FBLN2: variants seen among roughly 807,000 people sequenced by gnomAD.
FBLN2 encodes fibulin 2, also known as fibulin-2.
A neutral mutation model predicts 123.7 loss-of-function variants in FBLN2; 81 were observed. That is an observed-to-expected ratio of 0.65 (90% confidence interval 0.55 to 0.79). The LOEUF (loss-of-function observed/expected upper bound fraction) is 0.79, where lower values mean the gene tolerates loss of function less well. FBLN2 is among the 30% of genes least tolerant of loss of function. The pLI is 0.00. For synonymous variants in FBLN2, 699 were observed against 701.4 expected (o/e 1.00, Z 0.05); for missense variants, 1,603 against 1,681.3 (o/e 0.95, Z 0.81).
chr3:13,618,387 T>TTACC (rs771951599), intron 6 of FBLN2, 102 bp downstream of exon 6: 3 of 1,082,174 alleles, frequency 2.8e-6, no homozygotes, highest in Non-Finnish European at 4.0e-6. Context: ...TCACTTCCTG[T>TTACC]TACCCCACAA....
rs755865394 is a variant in FBLN2, at chr3:13,619,727, C to T, written c.2054-3C>T. ...TCTCTGATTTCTGTGTGGTTTCCTC[C>T]AGACAATGGACCCTGCAAGCAGGTG... is the stretch of plus-strand genomic sequence containing the variant. On this transcript the variant is annotated splice_polypyrimidine_tract_variant and splice_region_variant and intron_variant, in intron 7 of 17. Transcript: ENST00000404922. 6.2e-7 allele frequency: 1 copy of T among 1,612,866 alleles called. No individual in the cohort carries two copies. Among genetic ancestry groups the T allele is most frequent in the South Asian group, 1.1e-5 (1 of 90,884 alleles).
rs1352477880 is a variant in FBLN2 at position 13,571,464 on chromosome 3, C to T, written c.1109C>T (p.Thr370Ile). ...CTGGGCAAGGCTGCTCTCGTCCCAA[C>T]TCAGGCCGTGCCTGGCTCTCCCAGG... ...PSLGKAALVP[T>I]QAVPGSPRDP... Residue 370 changes from threonine (T) to isoleucine (I), a missense_variant, in exon 2 of 18, where the codon ACT becomes ATT. By Grantham distance (89) the Thr-to-Ile change is moderately conservative. Transcript: ENST00000404922. 1 of 1,613,206 alleles carries T rather than the reference C, an allele frequency of 6.2e-7. No individual in the cohort carries two copies. The highest frequency in any genetic ancestry group is 8.5e-7 in the Non-Finnish European group (1 of 1,179,794).
At chr3:13,613,289 A>G (rs975934776) in intron 4 of FBLN2, among the ~76,000 whole-genome samples, 4 of 152,376 alleles carry the variant, frequency 2.6e-5, no homozygotes, top group African/African-American at 9.6e-5. Flanking sequence ...AGCAGCTGCA[A>G]TATCACATTG....
chr3:13,555,412 G>A (rs1004007429), intron 1 of FBLN2, among the ~76,000 whole-genome samples: 3 of 151,766 alleles, frequency 2.0e-5, no homozygotes, highest in African/African-American at 4.8e-5. Flanking sequence ...CCTTGAGCCC[G>A]AGTGAGTGTT....
intron 16 of FBLN2, among the ~76,000 whole-genome samples, chr3:13,632,582 AAGC>A (rs534498525): frequency 8.3e-4 from 126 of 152,316 alleles, no homozygotes; most frequent in Admixed American, 3.1e-3. Context: ...ATAGAACAGA[AAGC>A]AGCATAGGGC....
intron 1 of FBLN2, among the ~76,000 whole-genome samples, chr3:13,553,586 T>C (rs548007169): frequency 1.3e-5 from 2 of 152,356 alleles, no homozygotes; most frequent in East Asian, 3.9e-4. Context: ...TTTGTGCCAT[T>C]GTCTTCAGTT....
At chr3:13,573,702 G>A (rs1460438576) in intron 2 of FBLN2, among the ~76,000 whole-genome samples, 1 of 152,090 alleles carries the variant, frequency 6.6e-6, no homozygotes. Context: ...TCAGGAGTTC[G>A]AGACCAGCCT....
At chr3:13,549,782 C>T (rs1417890848) in intron 1 of FBLN2, among the ~76,000 whole-genome samples, 1 of 152,016 alleles carries the variant, frequency 6.6e-6, no homozygotes, top group African/African-American at 2.4e-5. Flanking sequence ...CCACATCCTC[C>T]CTCTCCCAGC....
At chr3:13,598,330 G>T (rs1704913875) in intron 2 of FBLN2, among the ~76,000 whole-genome samples, 1 of 152,196 alleles carries the variant, frequency 6.6e-6, no homozygotes, top group African/African-American at 2.4e-5. Flanking sequence ...CATTTTACAA[G>T]CAAGGAAATG....
At chr3:13,580,460 T>A (rs954905713) in intron 2 of FBLN2, among the ~76,000 whole-genome samples, 3 of 152,166 alleles carry the variant, frequency 2.0e-5, no homozygotes, top group Non-Finnish European at 4.4e-5. Context: ...AGACTGGAGC[T>A]GCCAGTCGTG....
chr3:13,580,270 G>A (rs1574957887), intron 2 of FBLN2, among the ~76,000 whole-genome samples: 1 of 152,204 alleles, frequency 6.6e-6, no homozygotes, highest in Middle Eastern at 3.4e-3. Context: ...TTATATGGAC[G>A]TATTTTTATA....
chr3:13,574,853 G>C (rs562376258), intron 2 of FBLN2, among the ~76,000 whole-genome samples: 1 of 152,228 alleles, frequency 6.6e-6, no homozygotes, highest in South Asian at 2.1e-4. Context: ...TGGGCAGCCC[G>C]ATCCCCCACC....
intron 2 of FBLN2, among the ~76,000 whole-genome samples, chr3:13,592,327 A>G (rs1462679877): frequency 6.6e-6 from 1 of 151,542 alleles, no homozygotes; most frequent in Non-Finnish European, 1.5e-5. Context: ...CACCCGGCCA[A>G]TGTTTTCTGG....
intron 2 of FBLN2, among the ~76,000 whole-genome samples, chr3:13,591,301 G>T (rs2124855700): frequency 6.6e-6 from 1 of 152,338 alleles, no homozygotes; most frequent in South Asian, 2.1e-4. Flanking sequence ...CCACATAGGT[G>T]ATCTCATTCT....
intron 1 of FBLN2, among the ~76,000 whole-genome samples, chr3:13,560,777 C>CT (rs1245801679): frequency 6.6e-6 from 1 of 152,106 alleles, no homozygotes; most frequent in Non-Finnish European, 1.5e-5. Flanking sequence ...TGGATTACTG[C>CT]AATGGTTCTT....
chr3:13,586,664 A>ATTT (rs539204519), intron 2 of FBLN2, among the ~76,000 whole-genome samples: 117 of 124,818 alleles, frequency 9.4e-4, no homozygotes, highest in African/African-American at 3.5e-3. Context: ...TGCCCAGCTA[A>ATTT]TTTTTTTTTT....
rs1404313702 is a variant in FBLN2 at position 13,619,755 on chromosome 3, C to T, written c.2079C>T (p.Cys693=). The change falls in exon 8 of 18, where the codon TGC becomes TGT. Residue 693 remains cysteine (C), a synonymous_variant. Transcript: ENST00000404922. ...ACAATGGACCCTGCAAGCAGGTGTGCAGCACTGTTGGGGGCTCAGCCATAT... is the reference window on the plus strand; with the variant it reads ...ACAATGGACCCTGCAAGCAGGTGTGTAGCACTGTTGGGGGCTCAGCCATAT... The part of the protein sequence containing the change: ...CKDNGPCKQV[C]STVGGSAICS... The T allele has an allele frequency of 6.2e-7, 1 of 1,613,366 alleles. No individual in the cohort carries two copies.
chr3:13,628,965 C>G lies in FBLN2; in HGVS notation c.2630C>G (p.Thr877Arg), dbSNP rs113070147. The change falls in exon 12 of 18, where the codon ACG becomes AGG. Residue 877 changes from threonine (T) to arginine (R), a missense_variant. Coordinates refer to ENST00000404922, the MANE Select transcript of FBLN2 (RefSeq NM_001004019.2). The stretch of plus-strand genomic sequence containing the variant: ...CGGCCAGGCTTCAGCTGCATCAACA[C>G]GGTGGGCTCCTACACATGCCAGAGG... ...PCRPGFSCIN[T>R]VGSYTCQRNP... is the part of the protein sequence containing the mutation. The G allele has an allele frequency of 6.2e-7, 1 of 1,613,632 alleles. No individual in the cohort carries two copies. The highest frequency in any genetic ancestry group is 1.7e-5 in the Admixed American group (1 of 59,976).
rs59526787 is a variant in FBLN2, at chr3:13,552,309, T to C, written c.-42+3101T>C. On this transcript the variant is annotated intron_variant, in intron 1 of 17. Transcript: ENST00000404922. ...CATTGGAGGTGAGAGTGGTCAGATT[T>C]GGACTGACTTTGCAGGTGGGGCTGC... Among the ~76,000 whole-genome samples the C allele has an allele frequency of 2.0e-5, 3 of 152,264 alleles. No individual in the cohort carries two copies. The East Asian group carries it at 5.8e-4, about 29-fold the overall frequency.
Sources: gnomAD v4.1 joint callset for allele counts (sites outside exome capture counted in the v4.1 genomes callset) on GRCh38, gnomAD v4.1.1 for gene constraint, MANE v1.5 for transcripts, NCBI Gene and HGNC (gene_info 2026-07-23, HGNC 2026-07-21) for gene names.